Variants in IGSF9B observed in about 807,000 individuals in gnomAD.
IGSF9B encodes immunoglobulin superfamily member 9B, also known as protein turtle homolog B.
A neutral mutation model predicts 143.7 loss-of-function variants in IGSF9B; 48 were observed. That is an observed-to-expected ratio of 0.33 (90% confidence interval 0.26 to 0.42). The LOEUF (loss-of-function observed/expected upper bound fraction) is 0.42, where lower values mean the gene tolerates loss of function less well. Ranked by LOEUF, IGSF9B falls within the 20% of genes least tolerant of loss-of-function variation. The pLI is 1.00. For synonymous variants in IGSF9B, 903 were observed against 833.1 expected, an observed-to-expected ratio of 1.08 and a Z score of -1.44; for missense variants, 1,706 against 1,980.0, an observed-to-expected ratio of 0.86 and a Z score of 2.63.
chr11:133,950,007 A>G (rs1353883368), intron 1 of IGSF9B, among the ~76,000 whole-genome samples: 1 of 152,112 alleles, frequency 6.6e-6, no homozygotes, highest in Non-Finnish European at 1.5e-5. Flanking sequence ...GTAGGAGGGC[A>G]AGGAAAGATA....
intron 3 of IGSF9B, among the ~76,000 whole-genome samples, chr11:133,941,705 T>G (rs911907574): frequency 3.9e-5 from 6 of 152,190 alleles, no homozygotes; most frequent in Non-Finnish European, 7.3e-5. Flanking sequence ...CTGGAGCAGA[T>G]GGTGCACCAT....
In IGSF9B at chr11:133,948,909, G is replaced by A. The variant is rs79061073; in HGVS notation, c.65-2651C>T. ...GGGCTCTAGCGGGCAACGCCAGGAG[G>A]TGGGTTGGCTTTGACGTGGGTTCCC... On this transcript the variant is annotated intron_variant, in intron 1 of 19. Coordinates refer to ENST00000533871, the MANE Select transcript of IGSF9B (RefSeq NM_001277285.4). The surrounding 1 kb of genome is among the most constrained non-coding windows in gnomAD (Gnocchi z 4.7). Among the ~76,000 whole-genome samples, 9 of 152,160 alleles carry A rather than the reference G, an allele frequency of 5.9e-5. No homozygotes were observed. Among genetic ancestry groups the A allele is most frequent in the Non-Finnish European group, 8.8e-5 (6 of 68,018 alleles).
Position 133,911,870 on chromosome 11 carries a change from A to G in IGSF9B, c.4105+16T>C. 11 of 1,518,190 alleles carry G rather than the reference A, an allele frequency of 7.2e-6. No individual in the cohort carries two copies. Among genetic ancestry groups the G allele is most frequent in the Non-Finnish European group, 9.6e-6 (11 of 1,139,906 alleles). 94.0% of individuals were successfully genotyped at this position (1,518,190 alleles called of 1,614,324 possible). The stretch of plus-strand genomic sequence containing the variant: ...CAAGGTGGGAGGAGCGGGGCGGGCC[A>G]CTGCCCATCATTTACCGGATCGTTT... On this transcript the variant is annotated intron_variant, in intron 19 of 19. Coordinates refer to ENST00000533871, the MANE Select transcript of IGSF9B (RefSeq NM_001277285.4).
At position 133,926,962 on chromosome 11, in the gene IGSF9B, C is replaced by A. The variant is rs1209921502; in HGVS notation, c.1761G>T (p.Lys587Asn). The A allele has an allele frequency of 1.2e-5, 19 of 1,597,572 alleles. No homozygotes were observed. The highest frequency in any genetic ancestry group is 1.6e-5 in the Non-Finnish European group (19 of 1,172,422). The change falls in exon 13 of 20, where the codon AAG becomes AAT. Residue 587 changes from lysine (K) to asparagine (N), a missense_variant. Transcript: ENST00000533871. ...CCTCACTGAAGGCGCTGGTTCCCAG[C>A]TTGTTCTGGGCCAGGACGCTGAACT... The part of the protein sequence containing the change: ...AYQFSVLAQN[K>N]LGTSAFSEVV...
chr11:133,931,367 G>C lies in IGSF9B; in HGVS notation c.1368+86C>G, dbSNP rs329671. ...ACACCTCCCCTCAGCCCCGGGGCTC[G>C]CTGGGCCCTCAAACCTCCCCGCAGC... On this transcript the variant is annotated intron_variant, in intron 10 of 19. Coordinates refer to ENST00000533871, the MANE Select transcript of IGSF9B (RefSeq NM_001277285.4). The surrounding 1 kb of genome is among the most constrained non-coding windows in gnomAD (Gnocchi z 7.7). 9 of 990,808 alleles carry C rather than the reference G, an allele frequency of 9.1e-6. No individual in the cohort carries two copies. Among genetic ancestry groups the C allele is most frequent in the Non-Finnish European group, 1.4e-5 (9 of 655,842 alleles). 61.4% of individuals were successfully genotyped at this position (990,808 alleles called of 1,614,324 possible). A position where few individuals can be genotyped will look rare whatever the true frequency, so the allele number is the denominator to read the frequency against.
chr11:133,931,738 C>T lies in IGSF9B; in HGVS notation c.1168G>A (p.Glu390Lys). The T allele has an allele frequency of 6.2e-7, 1 of 1,611,626 alleles. No individual in the cohort carries two copies. Among genetic ancestry groups the T allele is most frequent in the Non-Finnish European group, 8.5e-7 (1 of 1,179,212 alleles). The change falls in exon 9 of 20, where the codon GAG becomes AAG. Residue 390 changes from glutamate to lysine, a missense_variant. Coordinates refer to ENST00000533871, the MANE Select transcript of IGSF9B (RefSeq NM_001277285.4). This position sits in a 1 kb window ranked among gnomAD's most constrained non-coding sequence, Gnocchi z 7.7. The part of the protein sequence containing the change: ...GSIRIEEATE[E>K]ALGTYTCVPY... ...ACACAGGTATAAGTGCCAAGAGCCT[C>T]CTCTGTGGCCTCCTCAATTCGAATG...
At chr11:133,943,192 A>T (rs1939983219) in intron 3 of IGSF9B, among the ~76,000 whole-genome samples, 1 of 152,160 alleles carries the variant, frequency 6.6e-6, no homozygotes, top group Non-Finnish European at 1.5e-5. Context: ...CCAAGCACCC[A>T]CGCTGTTGAA....
At chr11:133,950,214 G>T (rs980443302) in intron 1 of IGSF9B, among the ~76,000 whole-genome samples, 7 of 152,202 alleles carry the variant, frequency 4.6e-5, no homozygotes, top group African/African-American at 1.7e-4. Context: ...CGCCGGGGAA[G>T]GGCTGGGGAA....
In IGSF9B at chr11:133,906,310, G is replaced by A. The variant is rs1939209816; in HGVS notation, c.*2759C>T. 6.6e-6 allele frequency among the ~76,000 whole-genome samples: 1 copy of A among 152,186 alleles called. No individual in the cohort carries two copies. Among genetic ancestry groups the A allele is most frequent in the African/African-American group, 2.4e-5 (1 of 41,446 alleles). On this transcript the variant is annotated 3_prime_UTR_variant, in exon 20 of 20. Transcript: ENST00000533871. Reference sequence around the variant, plus strand: ...ACATCTTCACCCTCTATCCACGGAGGGAACTGCGTTCCACCAATCCCATCG... The same window carrying A: ...ACATCTTCACCCTCTATCCACGGAGAGAACTGCGTTCCACCAATCCCATCG...
intron 6 of IGSF9B, 125 bp downstream of exon 6, chr11:133,935,928 C>T: frequency 7.2e-7 from 1 of 1,396,430 alleles, no homozygotes; most frequent in Non-Finnish European, 9.7e-7. Context: ...ACACACGGAC[C>T]AGACTGCCCA....
chr11:133,917,832 CG>C (rs1004897226), intron 18 of IGSF9B, among the ~76,000 whole-genome samples: 8 of 151,890 alleles, frequency 5.3e-5, no homozygotes, highest in African/African-American at 1.7e-4. Flanking sequence ...GAATAGGGTG[CG>C]GGGGGGCTCT....
At position 133,920,302 on chromosome 11, in the gene IGSF9B, G is replaced by A; in HGVS notation, c.3423C>T (p.Gly1141=). Residue 1141 remains glycine, a synonymous_variant, in exon 18 of 20, where the codon GGC becomes GGT. Coordinates refer to ENST00000533871, the MANE Select transcript of IGSF9B (RefSeq NM_001277285.4). The part of the protein sequence containing the change: ...SQGQLRHTSQ[G]MGIPVLPYPE... ...GGTAAGGCAGCACAGGTATGCCCAT[G>A]CCTTGGCTTGTATGTCGCAGCTGCC... 6.4e-7 allele frequency: 1 copy of A among 1,563,858 alleles called. No homozygotes were observed. Among genetic ancestry groups the A allele is most frequent in the Non-Finnish European group, 8.7e-7 (1 of 1,155,370 alleles).
chr11:133,927,223 G>A, intron 12 of IGSF9B, 132 bp from the exon 13 acceptor site: 1 of 731,962 alleles, frequency 1.4e-6, no homozygotes, highest in Non-Finnish European at 2.3e-6. Flanking sequence ...AGGGCAAGAA[G>A]AGGGCATGGC....
Position 133,945,948 on chromosome 11 carries a change from G to A in IGSF9B, c.262+113C>T. 1.4e-6 allele frequency: 1 copy of A among 726,616 alleles called. No homozygotes were observed. 45.0% of individuals were successfully genotyped at this position (726,616 alleles called of 1,614,324 possible). On this transcript the variant is annotated intron_variant, in intron 2 of 19. Coordinates refer to ENST00000533871, the MANE Select transcript of IGSF9B (RefSeq NM_001277285.4). This position sits in a 1 kb window ranked among gnomAD's most constrained non-coding sequence, Gnocchi z 4.6. ...CAAAGGATGGGAGGAACCAGGCAGA[G>A]ACTGGGAAACAGAGATAAAGAGTGG...
At chr11:133,947,320 G>A (rs544491816) in intron 1 of IGSF9B, among the ~76,000 whole-genome samples, 15 of 152,320 alleles carry the variant, frequency 9.8e-5, no homozygotes, top group African/African-American at 2.9e-4. Flanking sequence ...TAACGTCCCA[G>A]GGAAAAGAAC....
chr11:133,930,889 A>G (rs1939712676), intron 11 of IGSF9B, 95 bp downstream of exon 11: 5 of 1,260,632 alleles, frequency 4.0e-6, no homozygotes, highest in Non-Finnish European at 5.5e-6. Context: ...CGCAGAGTGC[A>G]GCGGCCACCA....
At position 133,952,321 on chromosome 11, in the gene IGSF9B, G is replaced by GA. The variant is rs1265926404; in HGVS notation, c.64+4369_64+4370insT. On this transcript the variant is annotated intron_variant, in intron 1 of 19. Transcript: ENST00000533871. ...AACTGAGACACAGCCACACCCTCAG[G>GA]GAGACAGAGAGGCCCTGGGCTGGGG... is the stretch of plus-strand genomic sequence containing the variant. The GA allele has an allele frequency of 3.4e-5, 9 of 267,244 alleles. No individual in the cohort carries two copies. In the East Asian group the frequency reaches 8.3e-4, roughly 25 times the overall value. 16.6% of individuals were successfully genotyped at this position (267,244 alleles called of 1,614,324 possible).
chr11:133,920,086 G>A lies in IGSF9B; in HGVS notation c.3639C>T (p.Thr1213=), dbSNP rs770337009. The change falls in exon 18 of 20, where the codon ACC becomes ACT. Residue 1213 remains threonine (T), a synonymous_variant. Coordinates refer to ENST00000533871, the MANE Select transcript of IGSF9B (RefSeq NM_001277285.4). ...PLTQSPLSSR[T]GSPELAARAR... ...CACGGGCGGCGAGCTCAGGGGAGCC[G>A]GTGCGGGAGCTGAGGGGGCTTTGGG... The A allele has an allele frequency of 2.6e-6, 4 of 1,526,500 alleles. No homozygotes were observed. Among genetic ancestry groups the A allele is most frequent in the Non-Finnish European group, 1.8e-6 (2 of 1,137,820 alleles). 94.6% of individuals were successfully genotyped at this position (1,526,500 alleles called of 1,614,324 possible). A position where few individuals can be genotyped will look rare whatever the true frequency, so the allele number is the denominator to read the frequency against.
At position 133,901,838 on chromosome 11, in the gene IGSF9B, ACACACCACACACG is replaced by A. The variant is rs1421310386; in HGVS notation, c.*7218_*7230del. Among the ~76,000 whole-genome samples the A allele has an allele frequency of 2.5e-4, 37 of 147,578 alleles. No individual in the cohort carries two copies. Among genetic ancestry groups the A allele is most frequent in the Middle Eastern group, 7.2e-3 (2 of 278 alleles). Reference sequence around the variant, plus strand: ...CACCACACCACACACACAAACACACACACACCACACACGCACCACACACGCACCACACACGCAC... The same window carrying A: ...CACCACACCACACACACAAACACACACACCACACACGCACCACACACGCAC... On this transcript the variant is annotated 3_prime_UTR_variant, in exon 20 of 20. Transcript: ENST00000533871.
Sources: gnomAD v4.1 joint callset for allele counts (sites outside exome capture counted in the v4.1 genomes callset) on GRCh38, gnomAD v4.1.1 for gene constraint, Gnocchi (gnomAD v3.1) non-coding constraint, MANE v1.5 for transcripts, NCBI Gene and HGNC (gene_info 2026-07-23, HGNC 2026-07-21) for gene names.